The following GHR variants were observed in gnomAD, a reference collection of about 807,000 sequenced individuals.
The protein encoded by GHR is growth hormone receptor.
GHR carries 35 observed loss-of-function variants against 67.1 expected under a neutral mutation model. The observed-to-expected ratio is 0.52, with a 90% CI of 0.40 to 0.69. The LOEUF is 0.69. Among genes scored for constraint, GHR ranks in the 30% least tolerant of loss-of-function variants. The probability of loss-of-function intolerance (pLI) is 0.00; values close to 1 mark genes in which losing one functional copy is unlikely to be tolerated. For synonymous variants in GHR, 272 were observed against 269.1 expected, an observed-to-expected ratio of 1.01 and a Z score of -0.10; for missense variants, 792 against 764.6, an observed-to-expected ratio of 1.04 and a Z score of -0.42.
chr5:42,519,010 TC>T (rs1214775445), intron 1 of GHR, among the ~76,000 whole-genome samples: 1 of 152,196 alleles, frequency 6.6e-6, no homozygotes, highest in Non-Finnish European at 1.5e-5. Flanking sequence ...TTGGTTGATC[TC>T]CCTGTGCTGG....
chr5:42,474,886 CTTTTTT>C (rs577382742), intron 1 of GHR, among the ~76,000 whole-genome samples: 1 of 122,190 alleles, frequency 8.2e-6, no homozygotes, highest in African/African-American at 3.1e-5. Flanking sequence ...TTTTTTTGCC[CTTTTTT>C]TTTTTTTTTT....
intron 1 of GHR, among the ~76,000 whole-genome samples, chr5:42,446,992 G>A (rs1409749163): frequency 3.3e-5 from 5 of 152,166 alleles, no homozygotes; most frequent in Non-Finnish European, 5.9e-5. Context: ...AGATTGACAC[G>A]AATAGAGTTG....
chr5:42,526,528 C>CT (rs1441877568), intron 1 of GHR, among the ~76,000 whole-genome samples: 1 of 152,252 alleles, frequency 6.6e-6, no homozygotes, highest in African/African-American at 2.4e-5. Context: ...ATAAAATAGC[C>CT]TTCTATTGGA....
intron 1 of GHR, chr5:42,565,501 T>A: frequency 1.0e-6 from 1 of 985,336 alleles, no homozygotes; most frequent in Non-Finnish European, 1.2e-6. Context: ...ATACTGCTGA[T>A]AAGGTTTTCT....
intron 6 of GHR, among the ~76,000 whole-genome samples, chr5:42,704,635 G>A (rs528117634): frequency 1.3e-5 from 2 of 152,028 alleles, no homozygotes; most frequent in South Asian, 4.2e-4. Flanking sequence ...TGGTGTTCCG[G>A]TGAAGCTTCC....
At chr5:42,611,369 G>T (rs949536852) in intron 2 of GHR, among the ~76,000 whole-genome samples, 3 of 152,042 alleles carry the variant, frequency 2.0e-5, no homozygotes, top group Admixed American at 1.3e-4. Flanking sequence ...AATTACCATT[G>T]CACTTTATCC....
intron 2 of GHR, among the ~76,000 whole-genome samples, chr5:42,571,028 G>T (rs1355002528): frequency 6.6e-6 from 1 of 152,142 alleles, no homozygotes; most frequent in African/African-American, 2.4e-5. Context: ...GTGGATTTTT[G>T]ACTCGGGGAA....
At chr5:42,585,823 A>T (rs1751446947) in intron 2 of GHR, among the ~76,000 whole-genome samples, 1 of 152,308 alleles carries the variant, frequency 6.6e-6, no homozygotes, top group South Asian at 2.1e-4. Context: ...ATCTAAGCTA[A>T]CATTACTAAC....
intron 1 of GHR, among the ~76,000 whole-genome samples, chr5:42,518,364 A>C (rs1579856999): frequency 6.6e-6 from 1 of 152,070 alleles, no homozygotes; most frequent in East Asian, 1.9e-4. Flanking sequence ...GGGAAAACAT[A>C]TGCTTAGGAA....
At chr5:42,592,120 T>C (rs1751812859) in intron 2 of GHR, among the ~76,000 whole-genome samples, 1 of 152,182 alleles carries the variant, frequency 6.6e-6, no homozygotes, top group African/African-American at 2.4e-5. Context: ...CTCTCAGCTT[T>C]CCTAGTAGGT....
chr5:42,483,390 A>G (rs560942026), intron 1 of GHR, among the ~76,000 whole-genome samples: 1 of 151,974 alleles, frequency 6.6e-6, no homozygotes, highest in Non-Finnish European at 1.5e-5. Flanking sequence ...CAAATGAGAA[A>G]TCTGCCCAAG....
Position 42,670,832 on chromosome 5 carries a change from T to C in GHR, c.137-18058T>C, listed in dbSNP as rs1235315974. ...CACATGTACCCTAAAACTTAAAGTA[T>C]AATAATAATTTTTTTTAAAAAAAAG... On this transcript the variant is annotated intron_variant, in intron 3 of 9. Coordinates refer to ENST00000230882, the MANE Select transcript of GHR (RefSeq NM_000163.5). 2.4e-5 allele frequency among the ~76,000 whole-genome samples: 3 copies of C among 127,384 alleles called. No individual in the cohort carries two copies. In the Admixed American group the frequency reaches 2.5e-4, roughly 11 times the overall value. The allele number at this position is 127,384 out of a possible 152,430, so 83.6% of individuals were successfully genotyped here.
rs111780957 is a variant in GHR, at chr5:42,436,585, T to G, written c.-12+12630T>G. ...CCCATAATCCAATAATAAATAAATTTTTGATACATGGCTAATAACAGGCAC... is the reference window on the plus strand; with the variant it reads ...CCCATAATCCAATAATAAATAAATTGTTGATACATGGCTAATAACAGGCAC... On this transcript the variant is annotated intron_variant, in intron 1 of 9. Transcript: ENST00000230882. 3.8e-3 allele frequency among the ~76,000 whole-genome samples: 586 copies of G among 152,322 alleles called. 3 individuals are homozygous for G. Among genetic ancestry groups the G allele is most frequent in the African/African-American group, 0.014 (570 of 41,566 alleles).
rs867455868 is a variant in GHR, at chr5:42,423,606, G to A, written c.-361G>A. On this transcript the variant is annotated 5_prime_UTR_variant, in exon 1 of 10. Transcript: ENST00000230882. ...TTCTGCAACCTGGATCTGGGGGACT[G>A]CGGGCCAGGCGCGGCGTGACCCCTG... 6.6e-6 allele frequency among the ~76,000 whole-genome samples: 1 copy of A among 152,174 alleles called. No individual in the cohort carries two copies. The highest frequency in any genetic ancestry group is 1.5e-5 in the Non-Finnish European group (1 of 68,024).
In GHR at chr5:42,453,567, A is replaced by T. The variant is rs1744138429; in HGVS notation, c.-12+29612A>T. Among the ~76,000 whole-genome samples, 3 of 151,908 alleles carry T rather than the reference A, an allele frequency of 2.0e-5. No individual in the cohort carries two copies. In the South Asian group the frequency reaches 6.2e-4, roughly 32 times the overall value. On this transcript the variant is annotated intron_variant, in intron 1 of 9. Coordinates refer to ENST00000230882, the MANE Select transcript of GHR (RefSeq NM_000163.5). ...AGAAAACTATTCACCTCACAGCCTC[A>T]CTCCTGTCCTAGCATTTCAGCTATT...
intron 5 of GHR, among the ~76,000 whole-genome samples, chr5:42,698,087 AG>A (rs1371984044): frequency 6.6e-6 from 1 of 152,206 alleles, no homozygotes; most frequent in African/African-American, 2.4e-5. Flanking sequence ...AAAAGAGGAA[AG>A]GAGAGCAGGT....
In GHR at chr5:42,433,454, A is replaced by G. The variant is rs1219654183; in HGVS notation, c.-12+9499A>G. ...TCAAAAACAGAACATGTATTTATCA[A>G]TCCATTAGTGTGTTCCCAGGAATGT... On this transcript the variant is annotated intron_variant, in intron 1 of 9. Transcript: ENST00000230882. 3.3e-5 allele frequency among the ~76,000 whole-genome samples: 5 copies of G among 152,092 alleles called. No individual in the cohort carries two copies. In the East Asian group the frequency reaches 9.7e-4, roughly 29 times the overall value.
intron 3 of GHR, among the ~76,000 whole-genome samples, chr5:42,662,382 A>G (rs1755690998): frequency 6.6e-6 from 1 of 152,102 alleles, no homozygotes; most frequent in Non-Finnish European, 1.5e-5. Flanking sequence ...AAATGGAAAA[A>G]AACAGAAATT....
At chr5:42,602,864 GT>G (rs1752446963) in intron 2 of GHR, among the ~76,000 whole-genome samples, 1 of 152,034 alleles carries the variant, frequency 6.6e-6, no homozygotes, top group East Asian at 1.9e-4. Context: ...TTTAGTTATA[GT>G]TGTTTTAATA....
Sources: gnomAD v4.1 joint callset for allele counts (sites outside exome capture counted in the v4.1 genomes callset) on GRCh38, gnomAD v4.1.1 for gene constraint, MANE v1.5 for transcripts, NCBI Gene and HGNC (gene_info 2026-07-23, HGNC 2026-07-21) for gene names.